The following CAP1 variants were observed in gnomAD, a reference collection of about 807,000 sequenced individuals.
CAP1 encodes the protein cyclase associated actin cytoskeleton regulatory protein 1, also known as adenylyl cyclase-associated protein 1.
Under a neutral mutation model 58.2 loss-of-function variants are expected in CAP1, and 11 were observed. That is an observed-to-expected ratio of 0.19 (90% CI 0.12 to 0.31). The LOEUF is 0.31. Among genes scored for constraint, CAP1 ranks in the 10% least tolerant of loss-of-function variants. The pLI is 1.00. For missense variants in CAP1, 423 were observed against 587.5 expected (o/e 0.72, Z 2.89); for synonymous variants, 183 against 213.8 (o/e 0.86, Z 1.26).
chr1:40,052,967 G>A (rs1317307184), intron 1 of CAP1, among the ~76,000 whole-genome samples: 1 of 152,050 alleles, frequency 6.6e-6, no homozygotes, highest in Non-Finnish European at 1.5e-5. Context: ...GCTCACGCCT[G>A]TAATCCCAGC....
rs190641927 is a variant in CAP1 at position 40,045,036 on chromosome 1, G to A, written c.-11+4235G>A. Among the ~76,000 whole-genome samples, 99 of 151,814 alleles carry A rather than the reference G, an allele frequency of 6.5e-4. No individual in the cohort carries two copies. The East Asian group carries it at 9.5e-3, about 15-fold the overall frequency. ...CCTGATCTCGTGATCTGCTCGCCTC[G>A]GCCTCCCAAGGTGCTGGGATTACAG... is the stretch of plus-strand genomic sequence containing the variant. On this transcript the variant is annotated intron_variant, in intron 1 of 12. Transcript: ENST00000372805.
At position 40,070,186 on chromosome 1, in the gene CAP1, G is replaced by C; in HGVS notation, c.1021G>C (p.Val341Leu). The change falls in exon 10 of 13, where the codon GTG becomes CTG. Residue 341 changes from valine to leucine, a missense_variant. Physicochemically the swap from Val to Leu is conservative, Grantham distance 32. Transcript: ENST00000372805. ...VENQENVSNL[V>L]IEDTELKQVA... The stretch of plus-strand genomic sequence containing the variant: ...AAATCAGGAAAATGTTTCCAACCTG[G>C]TGATTGAGGACACAGAGCTGAAACA... The C allele has an allele frequency of 6.2e-7, 1 of 1,614,152 alleles. No individual in the cohort carries two copies. The highest frequency in any genetic ancestry group is 8.5e-7 in the Non-Finnish European group (1 of 1,180,014).
upstream of CAP1, chr1:40,040,573 C>G (rs1316600185): frequency 2.0e-5 from 3 of 152,802 alleles, no homozygotes; most frequent in Non-Finnish European, 4.4e-5. Flanking sequence ...CTGTGAGAGC[C>G]GGGCCGCTCT....
At chr1:40,062,937 T>C (rs1047880635) in intron 4 of CAP1, among the ~76,000 whole-genome samples, 2 of 152,076 alleles carry the variant, frequency 1.3e-5, no homozygotes, top group African/African-American at 4.8e-5. Context: ...ATTCATCCAT[T>C]TTGCCAAGGT....
chr1:40,058,003 A>G (rs902706950), intron 1 of CAP1, among the ~76,000 whole-genome samples: 1 of 152,226 alleles, frequency 6.6e-6, no homozygotes, highest in African/African-American at 2.4e-5. Flanking sequence ...TGAGGTTTAT[A>G]ACTTCATAAA....
At chr1:40,055,375 T>C (rs1187427701) in intron 1 of CAP1, among the ~76,000 whole-genome samples, 1 of 152,228 alleles carries the variant, frequency 6.6e-6, no homozygotes, top group African/African-American at 2.4e-5. Context: ...AATATTTCTT[T>C]AATACCATTC....
rs950006096 is a variant in CAP1, at chr1:40,064,139, A to G, written c.295-88A>G. The G allele has an allele frequency of 3.1e-6, 4 of 1,307,172 alleles. No homozygotes were observed. In the East Asian group the frequency reaches 6.9e-5, roughly 23 times the overall value. 81.0% of individuals were successfully genotyped at this position (1,307,172 alleles called of 1,614,324 possible). A position where few individuals can be genotyped will look rare whatever the true frequency, so the allele number is the denominator to read the frequency against. On this transcript the variant is annotated intron_variant, in intron 4 of 12. Coordinates refer to ENST00000372805, the MANE Select transcript of CAP1 (RefSeq NM_006367.4). ...TTTATTTGGGTGCTCACTAGAGTCC[A>G]TAGAGAATTCTTGCCTTCAGGATCA...
At chr1:40,052,549 G>T (rs1186984743) in intron 1 of CAP1, among the ~76,000 whole-genome samples, 1 of 152,058 alleles carries the variant, frequency 6.6e-6, no homozygotes, top group African/African-American at 2.4e-5. Flanking sequence ...TTTGGGAGAA[G>T]CCTTATTTAT....
intron 1 of CAP1, among the ~76,000 whole-genome samples, chr1:40,042,674 A>G (rs1374446077): frequency 6.6e-6 from 1 of 152,194 alleles, no homozygotes; most frequent in Non-Finnish European, 1.5e-5. Flanking sequence ...CAGGAAAATG[A>G]TGTCGTCAGA....
At chr1:40,058,814 AAC>A (rs1646724197) in intron 1 of CAP1, among the ~76,000 whole-genome samples, 1 of 152,164 alleles carries the variant, frequency 6.6e-6, no homozygotes, top group Admixed American at 6.5e-5. Flanking sequence ...GTAGGAAAAA[AAC>A]ACACTGAACT....
chr1:40,054,637 TA>T (rs1402208027), intron 1 of CAP1, among the ~76,000 whole-genome samples: 11 of 152,042 alleles, frequency 7.2e-5, no homozygotes, highest in South Asian at 6.2e-4. Context: ...TAAATTATTT[TA>T]TTTTTTTATT....
At chr1:40,065,254 G>A (rs1647021431) in intron 6 of CAP1, among the ~76,000 whole-genome samples, 1 of 152,366 alleles carries the variant, frequency 6.6e-6, no homozygotes, top group African/African-American at 2.4e-5. Context: ...TAAAGTGAGA[G>A]TAAGGCTGCC....
Position 40,047,894 on chromosome 1 carries a change from T to C in CAP1, c.-11+7093T>C, listed in dbSNP as rs1015450962. Among the ~76,000 whole-genome samples the C allele has an allele frequency of 3.9e-5, 6 of 152,278 alleles. No individual in the cohort carries two copies. The South Asian group carries it at 1.2e-3, about 32-fold the overall frequency. ...ACAGGAGACAGGTGTTGATGTTGGGTTGGATTCCTTCCCTCCGTAGAAGAT... is the reference window on the plus strand; with the variant it reads ...ACAGGAGACAGGTGTTGATGTTGGGCTGGATTCCTTCCCTCCGTAGAAGAT... On this transcript the variant is annotated intron_variant, in intron 1 of 12. Coordinates refer to ENST00000372805, the MANE Select transcript of CAP1 (RefSeq NM_006367.4).
intron 1 of CAP1, among the ~76,000 whole-genome samples, chr1:40,051,834 G>T (rs1262067555): frequency 3.3e-5 from 5 of 152,102 alleles, no homozygotes; most frequent in Non-Finnish European, 5.9e-5. Context: ...CTCCCAAAGT[G>T]CTGGGATTAC....
intron 3 of CAP1, among the ~76,000 whole-genome samples, chr1:40,061,192 T>G (rs946617127): frequency 3.9e-5 from 6 of 152,110 alleles, no homozygotes; most frequent in African/African-American, 1.4e-4. Flanking sequence ...GGAAATAACT[T>G]GAAGTTGGTG....
Position 40,071,680 on chromosome 1 carries a change from T to C in CAP1, c.*147T>C. ...GCACAGCTACCTGCCTTCACTGAAA[T>C]ATACCTCAGGCTGAAATTTGGGGTG... On this transcript the variant is annotated 3_prime_UTR_variant, in exon 13 of 13. Coordinates refer to ENST00000372805, the MANE Select transcript of CAP1 (RefSeq NM_006367.4). 1.7e-6 allele frequency: 1 copy of C among 598,222 alleles called. No individual in the cohort carries two copies. Among genetic ancestry groups the C allele is most frequent in the South Asian group, 2.1e-5 (1 of 47,588 alleles). The allele number at this position is 598,222 out of a possible 1,614,324, so 37.1% of individuals were successfully genotyped here. A position where few individuals can be genotyped will look rare whatever the true frequency, so the allele number is the denominator to read the frequency against.
chr1:40,047,854 A>T (rs896431348), intron 1 of CAP1, among the ~76,000 whole-genome samples: 3 of 152,166 alleles, frequency 2.0e-5, no homozygotes, highest in Non-Finnish European at 2.9e-5. Flanking sequence ...GGTAGAGGAC[A>T]TGTGTAAGGA....
At chr1:40,045,582 G>A (rs1421720535) in intron 1 of CAP1, among the ~76,000 whole-genome samples, 1 of 151,984 alleles carries the variant, frequency 6.6e-6, no homozygotes, top group Admixed American at 6.5e-5. Context: ...TTGAGATGGA[G>A]TTTTGCTCGG....
At chr1:40,065,284 G>A (rs908258129) in intron 6 of CAP1, among the ~76,000 whole-genome samples, 2 of 152,210 alleles carry the variant, frequency 1.3e-5, no homozygotes, top group Admixed American at 1.3e-4. Context: ...CAGGTATTAC[G>A]TAGGGCAGTC....
Sources: gnomAD v4.1 joint callset for allele counts (sites outside exome capture counted in the v4.1 genomes callset) on GRCh38, gnomAD v4.1.1 for gene constraint, MANE v1.5 for transcripts, NCBI Gene and HGNC (gene_info 2026-07-23, HGNC 2026-07-21) for gene names.